The following BAZ2B variants were observed in gnomAD, a reference collection of about 807,000 sequenced individuals.
BAZ2B encodes the protein bromodomain adjacent to zinc finger domain 2B.
A neutral mutation model predicts 246.0 loss-of-function variants in BAZ2B; 91 were observed. The ratio of observed to expected loss-of-function variants is 0.37; its 90% CI spans 0.31 to 0.44. The LOEUF (loss-of-function observed/expected upper bound fraction) is 0.44. Ranked by LOEUF, BAZ2B falls within the 20% of genes least tolerant of loss-of-function variation. The pLI is 1.00. For synonymous variants in BAZ2B, 855 were observed against 860.0 expected (o/e 0.99, Z 0.10); for missense variants, 2,332 against 2,533.7 (o/e 0.92, Z 1.71).
chr2:159,450,741 CTTTT>C (rs201235112), intron 4 of BAZ2B, among the ~76,000 whole-genome samples: 2 of 143,444 alleles, frequency 1.4e-5, no homozygotes, highest in African/African-American at 5.1e-5. Context: ...ACATTTAACT[CTTTT>C]TTTTTTTTTT....
downstream of BAZ2B, chr2:159,318,886 G>A (rs1387250283): frequency 6.6e-6 from 1 of 152,100 alleles, no homozygotes; most frequent in Non-Finnish European, 1.5e-5. Flanking sequence ...TCTACACACT[G>A]TTCCTCCTAC....
At chr2:159,571,140 C>G (rs572140876) in intron 1 of BAZ2B, among the ~76,000 whole-genome samples, 28 of 152,282 alleles carry the variant, frequency 1.8e-4, no homozygotes, top group African/African-American at 6.7e-4. Flanking sequence ...AGGCACGAGC[C>G]ACCACGCTCA....
At chr2:159,579,180 G>A (rs1686099404) in intron 1 of BAZ2B, among the ~76,000 whole-genome samples, 1 of 151,640 alleles carries the variant, frequency 6.6e-6, no homozygotes. Flanking sequence ...TCGCTAGCAA[G>A]ACTAATAAAG....
chr2:159,650,539 C>T, the BAZ2B span, among the ~76,000 whole-genome samples: 7 of 152,260 alleles, frequency 4.6e-5, no homozygotes, highest in South Asian at 4.2e-4. Context: ...GTGAGAACTG[C>T]GTACAGTCTT....
intron 1 of BAZ2B, among the ~76,000 whole-genome samples, chr2:159,589,914 C>T (rs994048091): frequency 6.6e-6 from 1 of 151,974 alleles, no homozygotes; most frequent in Admixed American, 6.6e-5. Context: ...AGGCCGGGCC[C>T]GATGGTTCAC....
At chr2:159,571,296 T>C (rs751416533) in intron 1 of BAZ2B, among the ~76,000 whole-genome samples, 1 of 152,180 alleles carries the variant, frequency 6.6e-6, no homozygotes, top group South Asian at 2.1e-4. Flanking sequence ...TAAAGAAATC[T>C]GAGAAACAGC....
At chr2:159,495,221 C>A (rs2080944529) in intron 2 of BAZ2B, among the ~76,000 whole-genome samples, 1 of 151,934 alleles carries the variant, frequency 6.6e-6, no homozygotes, top group Non-Finnish European at 1.5e-5. Flanking sequence ...CGCGGTGGCT[C>A]ACGCCTGTAA....
the BAZ2B span, chr2:159,694,517 C>A: frequency 6.6e-6 from 1 of 152,126 alleles, no homozygotes; most frequent in Non-Finnish European, 1.5e-5. Context: ...TACCTGGGAA[C>A]CACTTATCTG....
intron 17 of BAZ2B, among the ~76,000 whole-genome samples, 154 bp downstream of exon 17, chr2:159,400,445 A>C (rs1410051997): frequency 6.6e-6 from 1 of 152,236 alleles, no homozygotes; most frequent in African/African-American, 2.4e-5. Flanking sequence ...TTGCTAAATA[A>C]GGCTCAGATA....
intron 27 of BAZ2B, among the ~76,000 whole-genome samples, chr2:159,365,287 A>C (rs2060105845): frequency 6.6e-6 from 1 of 152,086 alleles, no homozygotes; most frequent in Non-Finnish European, 1.5e-5. Flanking sequence ...AGCTGTACCC[A>C]TCCTTTTAAC....
chr2:159,685,437 C>T, the BAZ2B span, among the ~76,000 whole-genome samples: 1 of 152,002 alleles, frequency 6.6e-6, no homozygotes, highest in Non-Finnish European at 1.5e-5. Context: ...TTAAAGAAAA[C>T]ATGTACAAAC....
chr2:159,551,466 C>CAA (rs57418948), intron 2 of BAZ2B, among the ~76,000 whole-genome samples: 742 of 70,606 alleles, frequency 0.011, 3 homozygotes, highest in Non-Finnish European at 0.014. Context: ...GACTCAGACT[C>CAA]AAAAAAAAAA....
chr2:159,478,050 G>A (rs990355069), intron 3 of BAZ2B, among the ~76,000 whole-genome samples: 7 of 152,146 alleles, frequency 4.6e-5, no homozygotes, highest in Admixed American at 3.3e-4. Flanking sequence ...TCGAACTCCT[G>A]ACCGCAGCTT....
At chr2:159,334,523 T>C (rs1270160390) in intron 33 of BAZ2B, among the ~76,000 whole-genome samples, 1 of 152,212 alleles carries the variant, frequency 6.6e-6, no homozygotes, top group East Asian at 1.9e-4. Flanking sequence ...AGGATTACTA[T>C]AGGCACTGTT....
chr2:159,389,037 A>G (rs114888697), intron 21 of BAZ2B, among the ~76,000 whole-genome samples: 1 of 152,048 alleles, frequency 6.6e-6, no homozygotes, highest in Admixed American at 6.6e-5. Context: ...AGTGAGCTAT[A>G]ATCCTGCCAC....
chr2:159,369,700 T>C (rs2060609817), intron 27 of BAZ2B, among the ~76,000 whole-genome samples: 1 of 152,168 alleles, frequency 6.6e-6, no homozygotes, highest in Non-Finnish European at 1.5e-5. Context: ...AGATTGATCA[T>C]TTTCTTAAGC....
the BAZ2B span, among the ~76,000 whole-genome samples, chr2:159,650,774 C>T: frequency 6.6e-6 from 1 of 152,154 alleles, no homozygotes; most frequent in Admixed American, 6.5e-5. Context: ...TCTTTGAGTG[C>T]TTACCTCTGT....
At chr2:159,579,804 C>A (rs191393008) in intron 1 of BAZ2B, among the ~76,000 whole-genome samples, 2 of 152,196 alleles carry the variant, frequency 1.3e-5, no homozygotes, top group East Asian at 1.9e-4. Flanking sequence ...ATAAACAGAA[C>A]CAAAGACAAA....
At chr2:159,589,729 A>G (rs1434342880) in intron 1 of BAZ2B, among the ~76,000 whole-genome samples, 1 of 152,258 alleles carries the variant, frequency 6.6e-6, no homozygotes, top group Non-Finnish European at 1.5e-5. Context: ...GTAAATGTAT[A>G]TAATCCATAA....
Sources: allele counts gnomAD v4.1 joint callset (sites outside exome capture counted in the v4.1 genomes callset), GRCh38; gene constraint gnomAD v4.1.1; transcripts MANE v1.5; gene names NCBI Gene and HGNC (gene_info 2026-07-23, HGNC 2026-07-21).